Variants in EPB41L4B observed in about 807,000 individuals in gnomAD.
The protein encoded by EPB41L4B is erythrocyte membrane protein band 4.1 like 4B.
A neutral mutation model predicts 112.5 loss-of-function variants in EPB41L4B; 30 were observed. That is an observed-to-expected ratio of 0.27 (90% CI 0.20 to 0.36). The LOEUF is 0.36. Among genes scored for constraint, EPB41L4B ranks in the 10% least tolerant of loss-of-function variants. The pLI, the probability that EPB41L4B is intolerant of heterozygous loss-of-function variation, is 1.00. For synonymous variants in EPB41L4B, 408 were observed against 439.7 expected (o/e 0.93, Z 0.90); for missense variants, 1,024 against 1,133.3 (o/e 0.90, Z 1.38).
At chr9:109,189,768 A>G (rs923461826) in intron 22 of EPB41L4B, among the ~76,000 whole-genome samples, 3 of 151,736 alleles carry the variant, frequency 2.0e-5, no homozygotes, top group Non-Finnish European at 4.4e-5. Context: ...AGCTGGGACT[A>G]CAGATGTGTG....
chr9:109,183,040 C>T (rs575637651), intron 23 of EPB41L4B, among the ~76,000 whole-genome samples: 1 of 152,258 alleles, frequency 6.6e-6, no homozygotes, highest in African/African-American at 2.4e-5. Context: ...GTCTCGTGTT[C>T]CTAGAGCGCC....
chr9:109,293,716 A>C (rs56166013), intron 1 of EPB41L4B, among the ~76,000 whole-genome samples: 8 of 120,032 alleles, frequency 6.7e-5, no homozygotes, highest in Non-Finnish European at 1.1e-4. Context: ...AAAAAAAAAA[A>C]AAAACATAAA....
chr9:109,303,356 C>A (rs889115630), intron 1 of EPB41L4B, among the ~76,000 whole-genome samples: 2 of 151,730 alleles, frequency 1.3e-5, no homozygotes, highest in African/African-American at 4.8e-5. Flanking sequence ...TTTTGGGGGG[C>A]GGGTTTTGAG....
intron 2 of EPB41L4B, among the ~76,000 whole-genome samples, chr9:109,276,619 G>C (rs567149735): frequency 6.6e-6 from 1 of 152,218 alleles, no homozygotes; most frequent in East Asian, 1.9e-4. Flanking sequence ...GCATCTTCAG[G>C]TGTCTGGCCT....
chr9:109,224,620 T>C (rs1285271380), intron 15 of EPB41L4B, among the ~76,000 whole-genome samples: 2 of 152,084 alleles, frequency 1.3e-5, no homozygotes, highest in African/African-American at 4.8e-5. Context: ...GTTCTAAAAT[T>C]ATATTGCAGC....
intron 22 of EPB41L4B, among the ~76,000 whole-genome samples, chr9:109,191,610 CAAAGA>C (rs1325330911): frequency 6.6e-6 from 1 of 152,180 alleles, no homozygotes; most frequent in Non-Finnish European, 1.5e-5. Context: ...TCAGTTCAAA[CAAAGA>C]AAAGACCATT....
chr9:109,211,027 A>T (rs1833147802), intron 17 of EPB41L4B, among the ~76,000 whole-genome samples: 1 of 152,252 alleles, frequency 6.6e-6, no homozygotes. Context: ...AATTGTTTAC[A>T]CATCTAAAAT....
chr9:109,229,216 A>C (rs1833876725), intron 15 of EPB41L4B, among the ~76,000 whole-genome samples: 1 of 152,214 alleles, frequency 6.6e-6, no homozygotes, highest in Non-Finnish European at 1.5e-5. Flanking sequence ...CACATTTCCA[A>C]TGCAGTCTTC....
chr9:109,244,523 CT>C (rs2118976908), intron 14 of EPB41L4B, among the ~76,000 whole-genome samples: 1 of 144,970 alleles, frequency 6.9e-6, no homozygotes, highest in Admixed American at 7.0e-5. Context: ...TTGGCAACCT[CT>C]ACCTCCTGGG....
In EPB41L4B at chr9:109,308,239, G is replaced by A. The variant is rs111244584; in HGVS notation, c.306+11902C>T. 3.3e-5 allele frequency among the ~76,000 whole-genome samples: 5 copies of A among 152,150 alleles called. 1 individual carries two copies. Among genetic ancestry groups the A allele is most frequent in the African/African-American group, 1.2e-4 (5 of 41,516 alleles). ...CTAGAGGGAGGAAGAACCCACACTC[G>A]AGGAAGACATTCAACAGCTGATCTC... On this transcript the variant is annotated intron_variant, in intron 1 of 25. Coordinates refer to ENST00000374566, the MANE Select transcript of EPB41L4B (RefSeq NM_019114.5).
At chr9:109,227,594 T>A (rs1032621551) in intron 15 of EPB41L4B, among the ~76,000 whole-genome samples, 1 of 152,136 alleles carries the variant, frequency 6.6e-6, no homozygotes, top group Non-Finnish European at 1.5e-5. Flanking sequence ...CCCCCCCTTT[T>A]TTTTTTGAGA....
rs117007197 is a variant in EPB41L4B, at chr9:109,249,786, C to A, written c.1310+1695G>T. 2.1e-4 allele frequency among the ~76,000 whole-genome samples: 32 copies of A among 152,336 alleles called. No homozygotes were observed. The East Asian group carries it at 5.6e-3, about 27-fold the overall frequency. On this transcript the variant is annotated intron_variant, in intron 13 of 25. Transcript: ENST00000374566. ...ACCTACAACTAACCCATCCAGAATA[C>A]TGCAACCTCCTCCCACCCTCCGGGG... is the stretch of plus-strand genomic sequence containing the variant.
chr9:109,311,008 T>C (rs963656849), intron 1 of EPB41L4B, among the ~76,000 whole-genome samples: 9 of 151,890 alleles, frequency 5.9e-5, no homozygotes, highest in African/African-American at 2.2e-4. Flanking sequence ...GACAAAAAAG[T>C]AGAATGGTGG....
chr9:109,281,894 T>C lies in EPB41L4B; in HGVS notation c.307-1973A>G, dbSNP rs114751112. On this transcript the variant is annotated intron_variant, in intron 1 of 25. Coordinates refer to ENST00000374566, the MANE Select transcript of EPB41L4B (RefSeq NM_019114.5). Reference sequence around the variant, plus strand: ...CCACATGACCCAACAATTCTACTTCTAGGTAAGAGAAATGAAAACATATGT... The same window carrying C: ...CCACATGACCCAACAATTCTACTTCCAGGTAAGAGAAATGAAAACATATGT... Among the ~76,000 whole-genome samples the C allele has an allele frequency of 2.1e-3, 318 of 152,264 alleles. 2 individuals carry two copies. The highest frequency in any genetic ancestry group is 7.0e-3 in the African/African-American group (289 of 41,546).
intron 1 of EPB41L4B, among the ~76,000 whole-genome samples, chr9:109,310,952 T>C (rs1416847647): frequency 6.6e-6 from 1 of 152,174 alleles, no homozygotes; most frequent in African/African-American, 2.4e-5. Flanking sequence ...GGACAAATAC[T>C]GTAGGATTCC....
At chr9:109,317,296 C>T (rs1007117723) in intron 1 of EPB41L4B, among the ~76,000 whole-genome samples, 1 of 152,208 alleles carries the variant, frequency 6.6e-6, no homozygotes, top group African/African-American at 2.4e-5. Flanking sequence ...GTCAAAGTCT[C>T]CTGGAAGTCC....
At chr9:109,294,706 G>A (rs1469529936) in intron 1 of EPB41L4B, among the ~76,000 whole-genome samples, 4 of 147,290 alleles carry the variant, frequency 2.7e-5, no homozygotes, top group African/African-American at 9.9e-5. Context: ...GTGTGTGTGT[G>A]TATAAGTATT....
chr9:109,192,797 T>G (rs1832506653), intron 21 of EPB41L4B, among the ~76,000 whole-genome samples: 1 of 152,180 alleles, frequency 6.6e-6, no homozygotes, highest in African/African-American at 2.4e-5. Flanking sequence ...TTATGTTGCT[T>G]GCTTTTGGAA....
intron 1 of EPB41L4B, 146 bp downstream of exon 1, chr9:109,319,995 G>A (rs1837793590): frequency 1.5e-6 from 1 of 657,948 alleles, no homozygotes; most frequent in Non-Finnish European, 2.2e-6. Context: ...AGAAGAAAAA[G>A]GGTTGAGGAG....
Sources: gnomAD v4.1 joint callset for allele counts (sites outside exome capture counted in the v4.1 genomes callset) on GRCh38, gnomAD v4.1.1 for gene constraint, MANE v1.5 for transcripts, NCBI Gene and HGNC (gene_info 2026-07-23, HGNC 2026-07-21) for gene names.